The following LRFN5 variants were observed in gnomAD, a reference collection of about 807,000 sequenced individuals.
LRFN5 encodes the protein leucine rich repeat and fibronectin type III domain containing 5, also known as leucine-rich repeat and fibronectin type-III domain-containing protein 5.
In LRFN5, 24 loss-of-function variants were observed where a neutral mutation model predicts 45.6. The ratio of observed to expected loss-of-function variants is 0.53; its 90% CI spans 0.38 to 0.74. The LOEUF (loss-of-function observed/expected upper bound fraction) is 0.74. Ranked by LOEUF, LRFN5 falls within the 30% of genes least tolerant of loss-of-function variation. LRFN5 has a pLI of 0.00. For missense variants in LRFN5, 776 were observed against 861.5 expected, an observed-to-expected ratio of 0.90 and a Z score of 1.24; for synonymous variants, 340 against 313.8, an observed-to-expected ratio of 1.08 and a Z score of -0.88.
chr14:41,847,061 A>G (rs777801294), intron 2 of LRFN5, among the ~76,000 whole-genome samples: 1 of 152,184 alleles, frequency 6.6e-6, no homozygotes. Context: ...CTACCATGAT[A>G]TTAACCTTCA....
intron 1 of LRFN5, among the ~76,000 whole-genome samples, chr14:41,608,926 G>GA (rs1887616566): frequency 6.6e-6 from 1 of 152,182 alleles, no homozygotes; most frequent in African/African-American, 2.4e-5. Flanking sequence ...TCCAGATTGT[G>GA]AAGTGTGAGT....
chr14:41,873,465 G>A (rs924902284), intron 2 of LRFN5, among the ~76,000 whole-genome samples: 12 of 151,418 alleles, frequency 7.9e-5, no homozygotes, highest in Non-Finnish European at 1.5e-4. Context: ...GAGACATTGC[G>A]TTCAGTGATA....
chr14:41,876,849 A>G (rs1183108798), intron 2 of LRFN5, among the ~76,000 whole-genome samples: 1 of 152,136 alleles, frequency 6.6e-6, no homozygotes, highest in African/African-American at 2.4e-5. Context: ...ACCTCTATCA[A>G]TTGAGACACT....
At chr14:41,628,516 A>G (rs1888419660) in intron 1 of LRFN5, among the ~76,000 whole-genome samples, 1 of 152,046 alleles carries the variant, frequency 6.6e-6, no homozygotes, top group Non-Finnish European at 1.5e-5. Flanking sequence ...AGGTGGGAGG[A>G]TCACTTGAGG....
intron 2 of LRFN5, among the ~76,000 whole-genome samples, chr14:41,810,997 A>T (rs1368907131): frequency 6.6e-6 from 1 of 152,096 alleles, no homozygotes; most frequent in African/African-American, 2.4e-5. Flanking sequence ...AGTTTAAAAT[A>T]CAGAATTATT....
intron 2 of LRFN5, among the ~76,000 whole-genome samples, chr14:41,883,541 G>T (rs1175430288): frequency 6.6e-6 from 1 of 152,064 alleles, no homozygotes; most frequent in Non-Finnish European, 1.5e-5. Context: ...TTCTTACCTT[G>T]TTTTCATCTT....
At chr14:41,761,142 T>C (rs191510461) in intron 1 of LRFN5, among the ~76,000 whole-genome samples, 1 of 152,254 alleles carries the variant, frequency 6.6e-6, no homozygotes, top group East Asian at 1.9e-4. Flanking sequence ...TGCATGTATG[T>C]AATATATCCA....
chr14:41,731,150 T>C (rs1447972438), intron 1 of LRFN5, among the ~76,000 whole-genome samples: 1 of 152,126 alleles, frequency 6.6e-6, no homozygotes, highest in African/African-American at 2.4e-5. Context: ...GACCAAAGTC[T>C]CATCACACAC....
At chr14:41,815,604 G>T (rs1265447663) in intron 2 of LRFN5, among the ~76,000 whole-genome samples, 1 of 151,914 alleles carries the variant, frequency 6.6e-6, no homozygotes, top group Non-Finnish European at 1.5e-5. Flanking sequence ...CAGGTGTGGC[G>T]GTGCATGCCT....
intron 2 of LRFN5, among the ~76,000 whole-genome samples, chr14:41,862,855 G>A (rs964479434): frequency 1.5e-5 from 2 of 133,358 alleles, no homozygotes; most frequent in African/African-American, 5.6e-5. Flanking sequence ...GCTTATTTAA[G>A]TCTCTCTTTT....
At chr14:41,724,728 G>A (rs1338783104) in intron 1 of LRFN5, among the ~76,000 whole-genome samples, 1 of 152,110 alleles carries the variant, frequency 6.6e-6, no homozygotes, top group African/African-American at 2.4e-5. Context: ...ATTATTGTAT[G>A]TGATAATTAT....
intron 2 of LRFN5, among the ~76,000 whole-genome samples, chr14:41,882,068 C>G (rs1890398124): frequency 6.6e-6 from 1 of 152,060 alleles, no homozygotes; most frequent in African/African-American, 2.4e-5. Context: ...TTAGTAAGAC[C>G]TGAGATCTGT....
At chr14:41,904,022 C>T in intron 5 of LRFN5, 136 bp from the exon 6 acceptor site, 1 of 666,438 alleles carries the variant, frequency 1.5e-6, no homozygotes, top group East Asian at 2.7e-5. Flanking sequence ...TGCTGTATTT[C>T]ATGGCAAGCA....
At chr14:41,735,349 C>T (rs1470562621) in intron 1 of LRFN5, among the ~76,000 whole-genome samples, 1 of 152,040 alleles carries the variant, frequency 6.6e-6, no homozygotes, top group Admixed American at 6.6e-5. Context: ...CTCACTGAAG[C>T]CTCAAACTCC....
chr14:41,782,926 C>A (rs926413210), intron 2 of LRFN5, among the ~76,000 whole-genome samples: 2 of 147,958 alleles, frequency 1.4e-5, no homozygotes, highest in Non-Finnish European at 3.0e-5. Context: ...TTTTAGTGAG[C>A]TATATCTCTT....
intron 2 of LRFN5, among the ~76,000 whole-genome samples, chr14:41,816,546 A>G (rs1439907115): frequency 6.6e-6 from 1 of 151,902 alleles, no homozygotes; most frequent in Non-Finnish European, 1.5e-5. Context: ...AATTTCATAG[A>G]GTACAGTATT....
chr14:41,612,729 T>A (rs553768522), intron 1 of LRFN5, among the ~76,000 whole-genome samples: 156 of 152,232 alleles, frequency 1.0e-3, no homozygotes, highest in African/African-American at 3.6e-3. Context: ...TTACATGGTA[T>A]GTGCATGGTG....
intron 2 of LRFN5, among the ~76,000 whole-genome samples, chr14:41,816,598 C>T (rs1566461748): frequency 6.6e-6 from 1 of 151,998 alleles, no homozygotes; most frequent in Non-Finnish European, 1.5e-5. Context: ...ACATATTTCT[C>T]TTTAATTTCT....
intron 1 of LRFN5, chr14:41,701,130 A>C (rs1044766670): frequency 3.3e-5 from 5 of 152,154 alleles, no homozygotes; most frequent in Admixed American, 1.3e-4. Flanking sequence ...GAATAAACAC[A>C]CCTTTTTAAA....
Sources: allele counts gnomAD v4.1 joint callset (sites outside exome capture counted in the v4.1 genomes callset), GRCh38; gene constraint gnomAD v4.1.1; transcripts MANE v1.5; gene names NCBI Gene and HGNC (gene_info 2026-07-23, HGNC 2026-07-21).